Variants in GATA4 observed in about 807,000 individuals in gnomAD.
GATA4 encodes the protein transcription factor GATA-4.
In GATA4, 7 loss-of-function variants were observed where a neutral mutation model predicts 37.9. The observed-to-expected ratio is 0.18, with a 90% CI of 0.11 to 0.35. The LOEUF is 0.35. Among genes scored for constraint, GATA4 ranks in the 10% least tolerant of loss-of-function variants. The pLI, the probability that GATA4 is intolerant of heterozygous loss-of-function variation, is 1.00. For synonymous variants in GATA4, 372 were observed against 292.6 expected (o/e 1.27, Z -2.77); for missense variants, 647 against 653.0 (o/e 0.99, Z 0.10).
At chr8:11,694,334 A>G (rs1359596091) in intron 1 of GATA4, 4 of 182,266 alleles carry the variant, frequency 2.2e-5, no homozygotes, top group Middle Eastern at 2.5e-3. Context: ...CATAAGAGGG[A>G]GACTGAGGCT....
intron 1 of GATA4, among the ~76,000 whole-genome samples, chr8:11,684,644 G>C (rs964753299): frequency 2.6e-5 from 4 of 152,160 alleles, no homozygotes; most frequent in Non-Finnish European, 5.9e-5. Flanking sequence ...TAACGCTTCT[G>C]TGTTTCAGTT....
intron 2 of GATA4, 24 bp from the exon 3 acceptor site, chr8:11,748,892 T>C (rs1802157782): frequency 6.2e-7 from 1 of 1,613,872 alleles, no homozygotes; most frequent in South Asian, 1.1e-5. Flanking sequence ...CTGTGTCTTT[T>C]CTTGTCTGTT....
intron 2 of GATA4, among the ~76,000 whole-genome samples, chr8:11,722,598 C>G (rs1330636662): frequency 6.6e-6 from 1 of 152,204 alleles, no homozygotes; most frequent in Non-Finnish European, 1.5e-5. Flanking sequence ...TCCTTGCATT[C>G]TGTTTGCTAA....
chr8:11,694,682 T>C (rs537801131), intron 1 of GATA4: 409 of 223,494 alleles, frequency 1.8e-3, no homozygotes, highest in Middle Eastern at 4.4e-3. Flanking sequence ...TGGTGTTGGA[T>C]TTTAAATTCA....
intron 1 of GATA4, among the ~76,000 whole-genome samples, chr8:11,678,628 A>T (rs1343953496): frequency 6.6e-6 from 1 of 152,246 alleles, no homozygotes; most frequent in African/African-American, 2.4e-5. Context: ...TATCATCACA[A>T]AATTGGATTG....
intron 2 of GATA4, among the ~76,000 whole-genome samples, chr8:11,715,931 C>A (rs920121146): frequency 6.6e-6 from 1 of 152,052 alleles, no homozygotes. Flanking sequence ...TGAATTTGAC[C>A]ACTCTAGGGA....
At chr8:11,692,195 A>G (rs1799335975), upstream of GATA4, 1 of 292,636 alleles carries the variant, frequency 3.4e-6, no homozygotes, top group Non-Finnish European at 5.1e-6. Flanking sequence ...GCAAGAGAAG[A>G]AAAACGAGGC....
At chr8:11,754,902 G>T (rs1350211952) in intron 4 of GATA4, 144 bp from the exon 5 acceptor site, 10 of 679,342 alleles carry the variant, frequency 1.5e-5, no homozygotes, top group Non-Finnish European at 2.7e-5. Flanking sequence ...CTGAGTTCCA[G>T]GGGCCTGTGC....
intron 4 of GATA4, among the ~76,000 whole-genome samples, chr8:11,752,192 A>T (rs1049787948): frequency 1.3e-5 from 2 of 152,220 alleles, no homozygotes; most frequent in African/African-American, 2.4e-5. Flanking sequence ...CCATACTATG[A>T]GTGTCGAAGG....
At chr8:11,743,531 G>A (rs1014197462) in intron 2 of GATA4, among the ~76,000 whole-genome samples, 3 of 152,238 alleles carry the variant, frequency 2.0e-5, no homozygotes, top group Non-Finnish European at 4.4e-5. Flanking sequence ...TGTCTCCCCA[G>A]CGGCCAGCAG....
rs1191358899 is a variant in GATA4, at chr8:11,708,494, C to T, written c.182C>T (p.Ser61Phe). 1.1e-5 allele frequency: 16 copies of T among 1,492,218 alleles called. No homozygotes were observed. The highest frequency in any genetic ancestry group is 1.4e-5 in the Non-Finnish European group (16 of 1,128,248). 92.4% of individuals were successfully genotyped at this position (1,492,218 alleles called of 1,614,324 possible). ...TACCTCCAGGGCGGAGGCGCGGGCTCTGCGTCCGGAGGCGCCTCGGGCGGC... is the reference window on the plus strand; with the variant it reads ...TACCTCCAGGGCGGAGGCGCGGGCTTTGCGTCCGGAGGCGCCTCGGGCGGC... ...LSYLQGGGAG[S>F]ASGGASGGSS... The change falls in exon 2 of 7, where the codon TCT (serine) becomes TTT (phenylalanine). Residue 61 changes from serine to phenylalanine, a missense_variant. By Grantham distance (155) the Ser-to-Phe change is radical (BLOSUM62 -2). Around this residue, in one of 5 missense-constraint regions of GATA4, gnomAD observed 379 missense variants for 334.5 expected, o/e 1.13. Coordinates refer to ENST00000532059, the MANE Select transcript of GATA4 (RefSeq NM_001308093.3). The surrounding 1 kb of genome is among the most constrained non-coding windows in gnomAD (Gnocchi z 6.7).
Position 11,757,217 on chromosome 8 carries a change from G to T in GATA4, c.1149+134G>T, listed in dbSNP as rs543773083. 3.6e-4 allele frequency: 478 copies of T among 1,344,794 alleles called. 2 individuals are homozygous for T. The highest frequency in any genetic ancestry group is 3.7e-5 in the Non-Finnish European group (37 of 992,804). 83.3% of individuals were successfully genotyped at this position (1,344,794 alleles called of 1,614,324 possible). A position where few individuals can be genotyped will look rare whatever the true frequency, so the allele number is the denominator to read the frequency against. Reference sequence around the variant, plus strand: ...AAGCAGTGAGCTACCCTCTGCGCTAGGAAGACCCAGCCATTGAGCTGTGTG... The same window carrying T: ...AAGCAGTGAGCTACCCTCTGCGCTATGAAGACCCAGCCATTGAGCTGTGTG... On this transcript the variant is annotated intron_variant, in intron 6 of 6. Coordinates refer to ENST00000532059, the MANE Select transcript of GATA4 (RefSeq NM_001308093.3).
chr8:11,680,946 G>A (rs1388614804), intron 1 of GATA4: 7 of 985,186 alleles, frequency 7.1e-6, no homozygotes, highest in Non-Finnish European at 8.4e-6. Context: ...AATGGTCACT[G>A]TGTCCCCCAG....
chr8:11,757,150 G>C, intron 6 of GATA4, 67 bp downstream of exon 6: 2 of 1,595,314 alleles, frequency 1.3e-6, no homozygotes, highest in Non-Finnish European at 1.7e-6. Flanking sequence ...CCAGAGGCCA[G>C]CCTAGTACTG....
chr8:11,709,741 A>G lies in GATA4; in HGVS notation c.616+813A>G, dbSNP rs1319380576. Among the ~76,000 whole-genome samples, 1 of 152,192 alleles carries G rather than the reference A, an allele frequency of 6.6e-6. No individual in the cohort carries two copies. The highest frequency in any genetic ancestry group is 2.4e-5 in the African/African-American group (1 of 41,454). On this transcript the variant is annotated intron_variant, in intron 2 of 6. Transcript: ENST00000532059. The surrounding 1 kb of genome is among the most constrained non-coding windows in gnomAD (Gnocchi z 4.3). ...GGAAATAACCGTTGTGGTAGGTTCC[A>G]TGCAGTGTTTCCATCGGATGTCAGA...
At chr8:11,692,953 G>C (rs1385144911) in intron 1 of GATA4, 6 of 985,036 alleles carry the variant, frequency 6.1e-6, no homozygotes, top group Non-Finnish European at 6.0e-6. Flanking sequence ...CATCAATAAG[G>C]CCTGCCAGGC....
intron 2 of GATA4, among the ~76,000 whole-genome samples, chr8:11,714,468 G>T (rs1407579984): frequency 1.3e-5 from 2 of 152,126 alleles, no homozygotes; most frequent in African/African-American, 4.8e-5. Flanking sequence ...ATTTGTGCAG[G>T]GAACTTTGTG....
At chr8:11,710,811 T>C (rs897080638) in intron 2 of GATA4, among the ~76,000 whole-genome samples, 48 of 151,686 alleles carry the variant, frequency 3.2e-4, no homozygotes, top group African/African-American at 9.9e-4. Context: ...AGTCATGAGT[T>C]ACATCCAGCA....
intron 1 of GATA4, among the ~76,000 whole-genome samples, chr8:11,698,589 C>G (rs1354951354): frequency 1.3e-5 from 2 of 152,158 alleles, no homozygotes; most frequent in Non-Finnish European, 2.9e-5. Flanking sequence ...ATCCGGCTGA[C>G]TTGGTCTCTC....
Sources: gnomAD v4.1 joint callset for allele counts (sites outside exome capture counted in the v4.1 genomes callset) on GRCh38, gnomAD v4.1.1 for gene constraint, gnomAD v4.1.1 regional missense constraint, Gnocchi (gnomAD v3.1) non-coding constraint, MANE v1.5 for transcripts, NCBI Gene and HGNC (gene_info 2026-07-23, HGNC 2026-07-21) for gene names.